Variants in PRUNE2 observed in about 807,000 individuals in gnomAD.
PRUNE2 encodes protein prune homolog 2.
A neutral mutation model predicts 252.0 loss-of-function variants in PRUNE2; 164 were observed. The ratio of observed to expected loss-of-function variants is 0.65; its 90% CI spans 0.57 to 0.74. The LOEUF (loss-of-function observed/expected upper bound fraction) is 0.74. Ranked by LOEUF, PRUNE2 falls within the 30% of genes least tolerant of loss-of-function variation. The pLI, the probability that PRUNE2 is intolerant of heterozygous loss-of-function variation, is 0.00. For missense variants in PRUNE2, 3,495 were observed against 3,711.0 expected (o/e 0.94, Z 1.51); for synonymous variants, 1,292 against 1,350.2 (o/e 0.96, Z 0.94).
chr9:76,793,517 T>G (rs1399611200), intron 6 of PRUNE2, among the ~76,000 whole-genome samples: 4 of 152,206 alleles, frequency 2.6e-5, no homozygotes, highest in African/African-American at 9.6e-5. Context: ...GATACTGTAC[T>G]GAGAGACCCT....
chr9:76,837,049 ATATG>A (rs987081336), intron 4 of PRUNE2, among the ~76,000 whole-genome samples: 3 of 152,208 alleles, frequency 2.0e-5, no homozygotes, highest in African/African-American at 7.2e-5. Flanking sequence ...TTGAATTTAA[ATATG>A]TATTTTTTAG....
At chr9:76,829,954 G>A (rs370786633) in intron 4 of PRUNE2, among the ~76,000 whole-genome samples, 61 of 152,168 alleles carry the variant, frequency 4.0e-4, no homozygotes, top group African/African-American at 1.3e-3. Context: ...AACTCATGAG[G>A]AAAAGAATAG....
chr9:76,670,928 T>C (rs2041316244), intron 9 of PRUNE2, among the ~76,000 whole-genome samples: 3 of 151,630 alleles, frequency 2.0e-5, no homozygotes, highest in Admixed American at 1.3e-4. Flanking sequence ...AGACCAAAAG[T>C]AGATAAAAAC....
chr9:76,740,761 C>T (rs536116747), intron 6 of PRUNE2, among the ~76,000 whole-genome samples: 5 of 152,082 alleles, frequency 3.3e-5, no homozygotes, highest in Non-Finnish European at 5.9e-5. Context: ...AGCTAGTGAT[C>T]GAGGTAGATA....
chr9:76,833,682 G>A (rs2058792172), intron 4 of PRUNE2, among the ~76,000 whole-genome samples: 1 of 151,616 alleles, frequency 6.6e-6, no homozygotes, highest in Non-Finnish European at 1.5e-5. Flanking sequence ...GGAGAATGGG[G>A]TGAACCCGGG....
chr9:76,720,598 GTTT>G (rs60404731), intron 6 of PRUNE2, among the ~76,000 whole-genome samples: 2 of 151,106 alleles, frequency 1.3e-5, no homozygotes, highest in South Asian at 2.1e-4. Flanking sequence ...TTCCTTTCCT[GTTT>G]TTTTATTATT....
intron 6 of PRUNE2, among the ~76,000 whole-genome samples, chr9:76,818,939 G>A (rs931862417): frequency 6.6e-6 from 1 of 152,144 alleles, no homozygotes; most frequent in African/African-American, 2.4e-5. Flanking sequence ...TTGGAAATAG[G>A]GTTGTTGTAG....
chr9:76,704,732 T>G, intron 8 of PRUNE2, 29 bp downstream of exon 8: 5 of 1,434,294 alleles, frequency 3.5e-6, no homozygotes, highest in Non-Finnish European at 4.7e-6. Flanking sequence ...AGCAGTTTCT[T>G]GGAAGTGGAA....
At chr9:76,889,978 C>T (rs1383029835) in intron 1 of PRUNE2, among the ~76,000 whole-genome samples, 2 of 152,222 alleles carry the variant, frequency 1.3e-5, no homozygotes, top group African/African-American at 2.4e-5. Context: ...TCCCAGGTGA[C>T]TCCAATAGGC....
chr9:76,844,994 CT>C (rs1161233868), intron 4 of PRUNE2, among the ~76,000 whole-genome samples: 2 of 124,636 alleles, frequency 1.6e-5, no homozygotes, highest in Non-Finnish European at 3.2e-5. Context: ...TGAGACCCCC[CT>C]CTCTTAAAAA....
rs1181207673 is a variant in PRUNE2, at chr9:76,747,987, G to A, written c.757-34266C>T. Among the ~76,000 whole-genome samples, 13 of 152,022 alleles carry A rather than the reference G, an allele frequency of 8.6e-5. No homozygotes were observed. In the East Asian group the frequency reaches 9.7e-4, roughly 11 times the overall value. Reference sequence around the variant, plus strand: ...TTTTTGTATTTTTTTTAGTAGAGACGGGGTTTCACCATCTTGGCCAGGCTG... The same window carrying A: ...TTTTTGTATTTTTTTTAGTAGAGACAGGGTTTCACCATCTTGGCCAGGCTG... On this transcript the variant is annotated intron_variant, in intron 6 of 18. Transcript: ENST00000376718.
intron 9 of PRUNE2, among the ~76,000 whole-genome samples, chr9:76,680,746 C>CA (rs2043331767): frequency 6.6e-6 from 1 of 152,170 alleles, no homozygotes; most frequent in Admixed American, 6.5e-5. Flanking sequence ...TTAATTGACT[C>CA]AGAGTTCTGC....
At position 76,762,717 on chromosome 9, in the gene PRUNE2, G is replaced by A. The variant is rs543403079; in HGVS notation, c.757-48996C>T. 2.3e-3 allele frequency among the ~76,000 whole-genome samples: 349 copies of A among 152,174 alleles called. 2 individuals are homozygous for A. The highest frequency in any genetic ancestry group is 0.017 in the South Asian group (80 of 4,820). On this transcript the variant is annotated intron_variant, in intron 6 of 18. Transcript: ENST00000376718. ...TGGAGGCGGAGGTCCCTACATACAC[G>A]ACCACATGAGATTGAGCTCCAGAGT... is the stretch of plus-strand genomic sequence containing the variant.
chr9:76,666,140 C>T (rs1199704724), intron 9 of PRUNE2, among the ~76,000 whole-genome samples: 1 of 152,130 alleles, frequency 6.6e-6, no homozygotes, highest in African/African-American at 2.4e-5. Flanking sequence ...GACAGGGCCA[C>T]CAGAGGGCTC....
At position 76,702,872 on chromosome 9, in the gene PRUNE2, G is replaced by T. The variant is rs1002287988; in HGVS notation, c.8276+465C>A. Among the ~76,000 whole-genome samples, 7 of 152,132 alleles carry T rather than the reference G, an allele frequency of 4.6e-5. No individual in the cohort carries two copies. The South Asian group carries it at 1.0e-3, about 23-fold the overall frequency. On this transcript the variant is annotated intron_variant, in intron 9 of 18. Coordinates refer to ENST00000376718, the MANE Select transcript of PRUNE2 (RefSeq NM_015225.3). ...CTTCGAATCCCAGGTGTTCACTCTG[G>T]TTACTTAATTCTAGGCAAATTATAG...
chr9:76,640,566 A>AT (rs11432533), intron 12 of PRUNE2, among the ~76,000 whole-genome samples: 73,580 of 152,034 alleles, frequency 0.48, 19,645 homozygotes, highest in Middle Eastern at 0.65. Context: ...TTCTCTGGAT[A>AT]TTTTTGCTTT....
chr9:76,807,254 G>A (rs1009214135), intron 6 of PRUNE2, among the ~76,000 whole-genome samples: 18 of 151,718 alleles, frequency 1.2e-4, no homozygotes, highest in African/African-American at 4.1e-4. Flanking sequence ...ATTTCTTTTG[G>A]TAGAGATAAG....
rs10536918 is a variant in PRUNE2 at position 76,736,135 on chromosome 9, A to AGTGT, written c.757-22418_757-22415dup. On this transcript the variant is annotated intron_variant, in intron 6 of 18. Transcript: ENST00000376718. ...CTTAGAGATTAGTAGGGTTTGTGTG[A>AGTGT]GTGTGTGTGTGTGTGTGTGTGTGTG... 6.5e-3 allele frequency among the ~76,000 whole-genome samples: 967 copies of AGTGT among 149,514 alleles called. 5 individuals are homozygous for AGTGT. The highest frequency in any genetic ancestry group is 9.6e-3 in the Non-Finnish European group (647 of 67,174).
At chr9:76,898,110 C>G (rs1025096641) in intron 1 of PRUNE2, among the ~76,000 whole-genome samples, 1 of 152,094 alleles carries the variant, frequency 6.6e-6, no homozygotes, top group Non-Finnish European at 1.5e-5. Flanking sequence ...GTAAAAGTGG[C>G]GGGGTTAGGA....
Sources: allele counts gnomAD v4.1 joint callset (sites outside exome capture counted in the v4.1 genomes callset), GRCh38; gene constraint gnomAD v4.1.1; transcripts MANE v1.5; gene names NCBI Gene and HGNC (gene_info 2026-07-23, HGNC 2026-07-21).